The following DNMT1 variants were observed in gnomAD, a reference collection of about 807,000 sequenced individuals.
DNMT1 encodes the protein DNA (cytosine-5)-methyltransferase 1.
A neutral mutation model predicts 205.3 loss-of-function variants in DNMT1; 24 were observed. The ratio of observed to expected loss-of-function variants is 0.12; its 90% confidence interval spans 0.08 to 0.16. The LOEUF (loss-of-function observed/expected upper bound fraction) is 0.16. Among genes scored for constraint, DNMT1 ranks in the 10% least tolerant of loss-of-function variants. The pLI, the probability that DNMT1 is intolerant of heterozygous loss-of-function variation, is 1.00. For missense variants in DNMT1, 1,293 were observed against 2,177.7 expected, an observed-to-expected ratio of 0.59 and a Z score of 8.09; for synonymous variants, 817 against 839.8, an observed-to-expected ratio of 0.97 and a Z score of 0.47.
chr19:10,160,162 A>G, intron 14 of DNMT1, 99 bp from the exon 15 acceptor site: 2 of 1,593,708 alleles, frequency 1.3e-6, no homozygotes, highest in Non-Finnish European at 1.7e-6. Flanking sequence ...CCTGTGGCAC[A>G]GGGAGGCACC....
intron 39 of DNMT1, among the ~76,000 whole-genome samples, chr19:10,134,749 T>A (rs1334724573): frequency 6.6e-6 from 1 of 150,870 alleles, no homozygotes; most frequent in Non-Finnish European, 1.5e-5. Flanking sequence ...TCCCAGCACC[T>A]CAGGAGGCTG....
chr19:10,141,265 A>G, intron 30 of DNMT1, 76 bp from the exon 31 acceptor site: 3 of 1,453,960 alleles, frequency 2.1e-6, no homozygotes, highest in Non-Finnish European at 2.9e-6. Context: ...GTAAGAAGGC[A>G]ATTTGATAGT....
At position 10,138,714 on chromosome 19, in the gene DNMT1, G is replaced by T; in HGVS notation, c.3949-109C>A. On this transcript the variant is annotated intron_variant, in intron 34 of 40. Coordinates refer to ENST00000359526, the MANE Select transcript of DNMT1 (RefSeq NM_001130823.3). This position sits in a 1 kb window ranked among gnomAD's most constrained non-coding sequence, Gnocchi z 4.1. ...CCTGAGTCGGGAGTGGCTGGCCAAT[G>T]CGGAGTGCACTTGCAGAAATCCCCA... 7.2e-7 allele frequency: 1 copy of T among 1,395,302 alleles called. No individual in the cohort carries two copies. Among genetic ancestry groups the T allele is most frequent in the East Asian group, 2.5e-5 (1 of 40,054 alleles). The allele number at this position is 1,395,302 out of a possible 1,614,324, so 86.4% of individuals were successfully genotyped here.
chr19:10,170,858 A>G (rs2038802320), intron 9 of DNMT1, among the ~76,000 whole-genome samples: 5 of 152,202 alleles, frequency 3.3e-5, no homozygotes, highest in South Asian at 2.1e-4. Flanking sequence ...CAGTGGGACA[A>G]TCATGGCTCA....
Position 10,168,277 on chromosome 19 carries a change from T to G in DNMT1, c.803+53A>C, listed in dbSNP as rs374918871. 1,699 of 1,606,420 alleles carry G rather than the reference T, an allele frequency of 1.1e-3. 6 individuals are homozygous for G. The highest frequency in any genetic ancestry group is 9.0e-4 in the Non-Finnish European group (1,052 of 1,173,020). On this transcript the variant is annotated intron_variant, in intron 10 of 40. Coordinates refer to ENST00000359526, the MANE Select transcript of DNMT1 (RefSeq NM_001130823.3). ...ACCCGTTATTTTACCAAGATACTTA[T>G]GTTAGCAATTCAGTTTCACAACAAA...
rs78994384 is a variant in DNMT1 at position 10,184,087 on chromosome 19, T to C, written c.81-2010A>G. On this transcript the variant is annotated intron_variant, in intron 1 of 40. Coordinates refer to ENST00000359526, the MANE Select transcript of DNMT1 (RefSeq NM_001130823.3). ...ACCAGGAAAGAGGGGGCAGGTCATA[T>C]AGTTGGGGCACTCCCGTAAGGGAAA... Among the ~76,000 whole-genome samples, 885 of 152,130 alleles carry C rather than the reference T, an allele frequency of 5.8e-3. 18 individuals carry two copies. The highest frequency in any genetic ancestry group is 0.034 in the East Asian group (175 of 5,168).
In DNMT1 at chr19:10,136,204, G is replaced by A. The variant is rs2089478463; in HGVS notation, c.4573C>T (p.His1525Tyr). 1 of 1,614,028 alleles carries A rather than the reference G, an allele frequency of 6.2e-7. No individual in the cohort carries two copies. The highest frequency in any genetic ancestry group is 1.3e-5 in the African/African-American group (1 of 74,952). ...CLPHTGNRHN[H>Y]WAGLYGRLEW... The stretch of plus-strand genomic sequence containing the variant: ...AGCCTTCCATAGAGGCCAGCCCAGT[G>A]GTTGTGCCGGTTCCCGGTGTGGGGC... Residue 1525 changes from histidine to tyrosine, a missense_variant, in exon 38 of 41, where the codon CAC becomes TAC. This residue lies in a region of DNMT1 where 5 missense variants were observed against 55.7 expected (regional missense o/e 0.09). Coordinates refer to ENST00000359526, the MANE Select transcript of DNMT1 (RefSeq NM_001130823.3).
At chr19:10,148,222 T>C (rs549539690) in intron 27 of DNMT1, among the ~76,000 whole-genome samples, 31 of 148,580 alleles carry the variant, frequency 2.1e-4, no homozygotes, top group Non-Finnish European at 2.8e-4. Context: ...CGAGGACAGG[T>C]GTGGTGGCTC....
At chr19:10,142,763 A>T (rs1276526928) in intron 29 of DNMT1, 2 of 163,234 alleles carry the variant, frequency 1.2e-5, no homozygotes, top group Non-Finnish European at 2.7e-5. Flanking sequence ...CAAATGAGGG[A>T]ACTGCAAGGT....
chr19:10,135,447 A>ACTC (rs2089458637), intron 39 of DNMT1: 1 of 477,996 alleles, frequency 2.1e-6, no homozygotes, highest in African/African-American at 1.9e-5. Context: ...ACAGCGAGTG[A>ACTC]GCTGTCGCCA....
chr19:10,157,693 G>A (rs541028852), intron 17 of DNMT1, among the ~76,000 whole-genome samples: 3 of 152,312 alleles, frequency 2.0e-5, no homozygotes, highest in South Asian at 4.1e-4. Context: ...TACCTCCTGC[G>A]GAGCTCCCCT....
At chr19:10,194,705 C>G in intron 1 of DNMT1, 115 bp downstream of exon 1, 1 of 1,383,882 alleles carries the variant, frequency 7.2e-7, no homozygotes, top group Non-Finnish European at 9.6e-7. Context: ...CGCACCACCC[C>G]ACGCATGCGC....
rs140653505 is a variant in DNMT1, at chr19:10,163,007, C to T, written c.927-259G>A. The T allele has an allele frequency of 7.7e-4, 428 of 554,982 alleles. 4 individuals carry two copies. The highest frequency in any genetic ancestry group is 7.6e-3 in the African/African-American group (389 of 51,368). 34.4% of individuals were successfully genotyped at this position (554,982 alleles called of 1,614,324 possible). On this transcript the variant is annotated intron_variant, in intron 12 of 40. Coordinates refer to ENST00000359526, the MANE Select transcript of DNMT1 (RefSeq NM_001130823.3). ...TTTGAGACAGAGTTTCACTCTTGTCCAGGCTGGAGTGCAGTGGCGCAATCT... is the reference window on the plus strand; with the variant it reads ...TTTGAGACAGAGTTTCACTCTTGTCTAGGCTGGAGTGCAGTGGCGCAATCT...
In DNMT1 at chr19:10,137,678, A is replaced by G. The variant is rs925447600; in HGVS notation, c.4293+154T>C. ...CTCTGACACTTCCCATGACCATGCA[A>G]GAGAGACCAGGGGTCACACAAAGGC... is the stretch of plus-strand genomic sequence containing the variant. On this transcript the variant is annotated intron_variant, in intron 36 of 40. Coordinates refer to ENST00000359526, the MANE Select transcript of DNMT1 (RefSeq NM_001130823.3). This position sits in a 1 kb window ranked among gnomAD's most constrained non-coding sequence, Gnocchi z 6.4. 4 of 1,096,368 alleles carry G rather than the reference A, an allele frequency of 3.6e-6. No individual in the cohort carries two copies. Among genetic ancestry groups the G allele is most frequent in the Admixed American group, 4.0e-5 (2 of 49,758 alleles). The allele number at this position is 1,096,368 out of a possible 1,614,324, so 67.9% of individuals were successfully genotyped here.
Position 10,156,958 on chromosome 19 carries a change from A to G in DNMT1, c.1281-449T>C, listed in dbSNP as rs2038468908. ...GGTTGCGGGAACACTGGATTAAGACAGCGTTCTATCACCCAGAGTTTCTAC... is the reference window on the plus strand; with the variant it reads ...GGTTGCGGGAACACTGGATTAAGACGGCGTTCTATCACCCAGAGTTTCTAC... On this transcript the variant is annotated intron_variant, in intron 17 of 40. Coordinates refer to ENST00000359526, the MANE Select transcript of DNMT1 (RefSeq NM_001130823.3). The surrounding 1 kb of genome is among the most constrained non-coding windows in gnomAD (Gnocchi z 4.2). Among the ~76,000 whole-genome samples, 1 of 152,140 alleles carries G rather than the reference A, an allele frequency of 6.6e-6. No homozygotes were observed. Among genetic ancestry groups the G allele is most frequent in the East Asian group, 1.9e-4 (1 of 5,188 alleles).
At chr19:10,175,702 A>ATGT in intron 6 of DNMT1, 84 bp from the exon 7 acceptor site, 1 of 1,297,394 alleles carries the variant, frequency 7.7e-7, no homozygotes, top group Non-Finnish European at 1.1e-6. Context: ...ATTCACCAGG[A>ATGT]TGTTGAAAGA....
rs886054130 is a variant in DNMT1, at chr19:10,182,088, GA to G, written c.81-12del. ...TCCAAATCTTTGAGCCTGGGAGGAA[GA>G]AATAGGGGAGAAAATACAAACACTT... On this transcript the variant is annotated splice_polypyrimidine_tract_variant and intron_variant, in intron 1 of 40. Coordinates refer to ENST00000359526, the MANE Select transcript of DNMT1 (RefSeq NM_001130823.3). The G allele has an allele frequency of 1.2e-6, 2 of 1,612,614 alleles. No homozygotes were observed. Among genetic ancestry groups the G allele is most frequent in the Non-Finnish European group, 1.7e-6 (2 of 1,178,882 alleles).
At chr19:10,171,193 T>C (rs2038808366) in intron 9 of DNMT1, among the ~76,000 whole-genome samples, 1 of 149,368 alleles carries the variant, frequency 6.7e-6, no homozygotes, top group African/African-American at 2.4e-5. Flanking sequence ...GACTCAGATT[T>C]TACAAAGAAG....
rs1201036631 is a variant in DNMT1, at chr19:10,146,971, G to C, written c.2721-447C>G. Among the ~76,000 whole-genome samples the C allele has an allele frequency of 6.6e-6, 1 of 152,130 alleles. No homozygotes were observed. The highest frequency in any genetic ancestry group is 6.6e-5 in the Admixed American group (1 of 15,262). On this transcript the variant is annotated intron_variant, in intron 27 of 40. Coordinates refer to ENST00000359526, the MANE Select transcript of DNMT1 (RefSeq NM_001130823.3). The surrounding 1 kb of genome is among the most constrained non-coding windows in gnomAD (Gnocchi z 4.4). ...ACTTGAAGATGGCCTTAAAAATAGA[G>C]ATCAAGGCCCAGCATGGTGGCTCAT...
Sources: allele counts gnomAD v4.1 joint callset (sites outside exome capture counted in the v4.1 genomes callset), GRCh38; gene constraint gnomAD v4.1.1; regional missense constraint gnomAD v4.1.1; non-coding constraint Gnocchi (gnomAD v3.1); transcripts MANE v1.5; gene names NCBI Gene and HGNC (gene_info 2026-07-23, HGNC 2026-07-21).